The following PGCKA1 variants were observed in gnomAD, a reference collection of about 807,000 sequenced individuals.
The protein encoded by PGCKA1 is PDCD10 and GCKIII kinases-associated protein 1.
chr4:37,577,595 T>A, the PGCKA1 span, among the ~76,000 whole-genome samples: 1 of 152,138 alleles, frequency 6.6e-6, no homozygotes, highest in African/African-American at 2.4e-5. Context: ...TCTTTTCTTC[T>A]GGGTTTGGTT....
the PGCKA1 span, among the ~76,000 whole-genome samples, chr4:37,548,818 A>G: frequency 6.8e-6 from 1 of 147,674 alleles, no homozygotes. Context: ...AACTTTGGCA[A>G]TTAAAACAGC....
the PGCKA1 span, among the ~76,000 whole-genome samples, chr4:37,480,491 A>T: frequency 6.7e-6 from 1 of 149,176 alleles, no homozygotes; most frequent in African/African-American, 2.5e-5. Flanking sequence ...AGACTCCATT[A>T]AAAACAAAAA....
chr4:37,509,639 C>G, the PGCKA1 span, among the ~76,000 whole-genome samples: 2 of 151,110 alleles, frequency 1.3e-5, no homozygotes, highest in Admixed American at 6.6e-5. Flanking sequence ...TGTAGCGAGC[C>G]GAGATCACGC....
the PGCKA1 span, among the ~76,000 whole-genome samples, chr4:37,537,079 G>T: frequency 6.6e-6 from 1 of 152,198 alleles, no homozygotes; most frequent in South Asian, 2.1e-4. Context: ...TCCAGTAATT[G>T]ATTGCTTGAC....
At chr4:37,589,787 T>A in the PGCKA1 span, among the ~76,000 whole-genome samples, 2 of 152,094 alleles carry the variant, frequency 1.3e-5, no homozygotes, top group Non-Finnish European at 2.9e-5. Flanking sequence ...GCCTACCACC[T>A]CACCCAGCTA....
the PGCKA1 span, among the ~76,000 whole-genome samples, chr4:37,543,871 T>A: frequency 6.6e-6 from 1 of 151,950 alleles, no homozygotes; most frequent in Non-Finnish European, 1.5e-5. Flanking sequence ...CTTCTTAGCT[T>A]CTCCAATCTG....
At chr4:37,538,896 G>T in the PGCKA1 span, among the ~76,000 whole-genome samples, 1 of 152,196 alleles carries the variant, frequency 6.6e-6, no homozygotes, top group South Asian at 2.1e-4. Flanking sequence ...CTGCAAGGAG[G>T]GTGATATTAC....
the PGCKA1 span, among the ~76,000 whole-genome samples, chr4:37,490,487 G>A: frequency 5.3e-5 from 8 of 152,234 alleles, no homozygotes; most frequent in African/African-American, 1.4e-4. Context: ...GTCTACCCGC[G>A]TTTGTAGTAG....
chr4:37,532,738 C>A, the PGCKA1 span, among the ~76,000 whole-genome samples: 1 of 152,158 alleles, frequency 6.6e-6, no homozygotes, highest in African/African-American at 2.4e-5. Flanking sequence ...AGCTTTTAAT[C>A]CTGTTGTTTA....
At chr4:37,582,093 CA>C in the PGCKA1 span, among the ~76,000 whole-genome samples, 55 of 152,262 alleles carry the variant, frequency 3.6e-4, no homozygotes, top group Non-Finnish European at 5.1e-4. Context: ...CTCCCTCCCC[CA>C]AACACACAGA....
the PGCKA1 span, among the ~76,000 whole-genome samples, chr4:37,517,308 AAT>A: frequency 2.7e-5 from 4 of 145,980 alleles, no homozygotes; most frequent in African/African-American, 7.5e-5. Context: ...AATATATATA[AAT>A]ATATATATAG....
chr4:37,577,493 T>G, the PGCKA1 span, among the ~76,000 whole-genome samples: 2 of 148,700 alleles, frequency 1.3e-5, no homozygotes, highest in Non-Finnish European at 2.9e-5. Context: ...GTTTGCCAGT[T>G]TTGTTATCTT....
the PGCKA1 span, among the ~76,000 whole-genome samples, chr4:37,503,348 G>A: frequency 6.6e-6 from 1 of 152,168 alleles, no homozygotes; most frequent in Admixed American, 6.5e-5. Flanking sequence ...CACCCTCAGT[G>A]CCTTCCCTCT....
the PGCKA1 span, among the ~76,000 whole-genome samples, chr4:37,562,816 G>A: frequency 0.073 from 11,076 of 152,046 alleles, 1,082 homozygotes; most frequent in African/African-American, 0.22. Context: ...AATCAAGTTC[G>A]GTACTTGGCA....
chr4:37,570,690 G>A, the PGCKA1 span, among the ~76,000 whole-genome samples: 13 of 152,200 alleles, frequency 8.5e-5, no homozygotes, highest in Non-Finnish European at 1.9e-4. Flanking sequence ...CTAAACATTA[G>A]CAAATTGTTG....
At chr4:37,491,309 A>G in the PGCKA1 span, among the ~76,000 whole-genome samples, 1 of 152,178 alleles carries the variant, frequency 6.6e-6, no homozygotes, top group Non-Finnish European at 1.5e-5. Context: ...GTTAATTCCC[A>G]TCCTCATGAT....
chr4:37,460,577 T>C, the PGCKA1 span: 1 of 453,898 alleles, frequency 2.2e-6, no homozygotes, highest in South Asian at 1.6e-5. Flanking sequence ...TTTGCATTTG[T>C]CTAATGATCA....
At chr4:37,585,069 G>A in the PGCKA1 span, among the ~76,000 whole-genome samples, 2 of 131,236 alleles carry the variant, frequency 1.5e-5, no homozygotes, top group African/African-American at 6.0e-5. Context: ...TGGTTGGTTT[G>A]CTTTTAAAGA....
chr4:37,473,894 G>T, the PGCKA1 span, among the ~76,000 whole-genome samples: 1 of 152,096 alleles, frequency 6.6e-6, no homozygotes, highest in Non-Finnish European at 1.5e-5. Context: ...ATATCTGCTT[G>T]CATATCCCCA....
Sources: gnomAD v4.1 joint callset for allele counts (sites outside exome capture counted in the v4.1 genomes callset) on GRCh38, gnomAD v4.1.1 for gene constraint, MANE v1.5 for transcripts, NCBI Gene and HGNC (gene_info 2026-07-23, HGNC 2026-07-21) for gene names.